Variants in MORC1 observed in about 807,000 individuals in gnomAD.
The protein encoded by MORC1 is MORC family CW-type zinc finger protein 1.
MORC1 carries 59 observed loss-of-function variants against 134.9 expected under a neutral mutation model. The ratio of observed to expected loss-of-function variants is 0.44; its 90% CI spans 0.35 to 0.54. The LOEUF is 0.54. MORC1 is among the 20% of genes least tolerant of loss of function. The probability of loss-of-function intolerance (pLI) is 0.00; values close to 1 mark genes in which losing one functional copy is unlikely to be tolerated. For missense variants in MORC1, 947 were observed against 1,134.5 expected (o/e 0.83, Z 2.37); for synonymous variants, 395 against 391.7 (o/e 1.01, Z -0.10).
chr3:108,991,854 C>A (rs1468913512), intron 21 of MORC1, among the ~76,000 whole-genome samples: 1 of 152,166 alleles, frequency 6.6e-6, no homozygotes, highest in African/African-American at 2.4e-5. Flanking sequence ...CATCTCAGAA[C>A]TGCTTTCATT....
At chr3:109,089,581 T>C (rs1365380210) in intron 8 of MORC1, among the ~76,000 whole-genome samples, 1 of 152,082 alleles carries the variant, frequency 6.6e-6, no homozygotes, top group African/African-American at 2.4e-5. Context: ...AGGGAAAGAA[T>C]TAACTAAGGA....
chr3:109,014,620 T>C (rs1206166373), intron 17 of MORC1, among the ~76,000 whole-genome samples: 1 of 152,208 alleles, frequency 6.6e-6, no homozygotes, highest in Non-Finnish European at 1.5e-5. Context: ...CTTAAATTAT[T>C]TGGGTTTGTA....
chr3:108,965,252 A>G (rs541312088), intron 26 of MORC1, among the ~76,000 whole-genome samples: 1 of 152,382 alleles, frequency 6.6e-6, no homozygotes, highest in South Asian at 2.1e-4. Context: ...ACCAAAACAA[A>G]TCAAAGATAA....
chr3:109,048,683 T>C (rs1001236404), intron 14 of MORC1, among the ~76,000 whole-genome samples: 1 of 152,196 alleles, frequency 6.6e-6, no homozygotes, highest in Non-Finnish European at 1.5e-5. Context: ...TTCTGAGGCT[T>C]CCCTACTTTG....
chr3:108,963,754 C>T, intron 26 of MORC1, 146 bp from the exon 27 acceptor site: 2 of 569,860 alleles, frequency 3.5e-6, no homozygotes, highest in South Asian at 4.9e-5. Context: ...ATATTGATAC[C>T]CTTAAGGAAC....
intron 21 of MORC1, among the ~76,000 whole-genome samples, chr3:108,998,535 T>C (rs1948302828): frequency 6.6e-6 from 1 of 152,114 alleles, no homozygotes; most frequent in African/African-American, 2.4e-5. Context: ...AGTGCCTTCC[T>C]TCTTGAAATT....
At chr3:109,105,848 G>A (rs1287911293) in intron 3 of MORC1, among the ~76,000 whole-genome samples, 2 of 152,072 alleles carry the variant, frequency 1.3e-5, no homozygotes, top group East Asian at 3.9e-4. Context: ...TTCTTTGTCT[G>A]TAAACTTTTA....
Position 109,035,403 on chromosome 3 carries a change from G to A in MORC1, c.1396C>T (p.Pro466Ser), listed in dbSNP as rs780937695. The A allele has an allele frequency of 1.3e-6, 2 of 1,561,398 alleles. No individual in the cohort carries two copies. The highest frequency in any genetic ancestry group is 1.4e-5 in the African/African-American group (1 of 72,732). The change falls in exon 15 of 28, where the codon CCT (proline) becomes TCT (serine). Residue 466 changes from proline to serine, a missense_variant. Transcript: ENST00000232603. Reference protein sequence around the residue: ...GYQNDIDVEKPLNSFQYQRRQ... With the variant: ...GYQNDIDVEKSLNSFQYQRRQ... ...CTTTGATATTGAAAAGAATTTAAAG[G>A]TTTCTCCACATCGATGTCATTCTGG...
At position 108,993,290 on chromosome 3, in the gene MORC1, G is replaced by A. The variant is rs74392965; in HGVS notation, c.2188-6341C>T. Among the ~76,000 whole-genome samples the A allele has an allele frequency of 7.9e-3, 1,199 of 152,226 alleles. 11 individuals are homozygous for A. Among genetic ancestry groups the A allele is most frequent in the African/African-American group, 0.018 (736 of 41,514 alleles). On this transcript the variant is annotated intron_variant, in intron 21 of 27. Transcript: ENST00000232603. ...TAAATTTGTTTTGATTAATTGGCTC[G>A]TGGTTGCTGGTAGTTCAGACTTTAG... is the stretch of plus-strand genomic sequence containing the variant.
At chr3:108,969,138 T>C (rs1947301458) in intron 26 of MORC1, among the ~76,000 whole-genome samples, 1 of 152,086 alleles carries the variant, frequency 6.6e-6, no homozygotes, top group East Asian at 1.9e-4. Flanking sequence ...AAGAGAAAGG[T>C]TGTAAGGAAA....
chr3:109,044,232 T>C (rs1232576378), intron 14 of MORC1, among the ~76,000 whole-genome samples: 1 of 152,082 alleles, frequency 6.6e-6, no homozygotes, highest in Non-Finnish European at 1.5e-5. Context: ...AATATTTAAA[T>C]TAATCTAATG....
chr3:108,961,008 T>C (rs772212312), intron 27 of MORC1, among the ~76,000 whole-genome samples: 1 of 152,202 alleles, frequency 6.6e-6, no homozygotes, highest in Non-Finnish European at 1.5e-5. Context: ...TTTTAACTTT[T>C]AATCCCGTTT....
intron 27 of MORC1, among the ~76,000 whole-genome samples, chr3:108,961,236 A>G (rs568692351): frequency 5.9e-5 from 9 of 152,254 alleles, no homozygotes; most frequent in African/African-American, 2.2e-4. Context: ...ATATGCTTCA[A>G]CTTTACTCCC....
At position 109,075,699 on chromosome 3, in the gene MORC1, T is replaced by C. The variant is rs184654385; in HGVS notation, c.690-5942A>G. Among the ~76,000 whole-genome samples the C allele has an allele frequency of 3.3e-3, 507 of 152,324 alleles. 4 individuals are homozygous for C. The highest frequency in any genetic ancestry group is 0.012 in the African/African-American group (495 of 41,574). On this transcript the variant is annotated intron_variant, in intron 8 of 27. Coordinates refer to ENST00000232603, the MANE Select transcript of MORC1 (RefSeq NM_014429.4). ...CAGTACCATGCTGTTTTGGTTACTG[T>C]AGCCTTGTAGTATAGTTTGAAGTCA...
chr3:109,043,967 G>C (rs546880198), intron 14 of MORC1, among the ~76,000 whole-genome samples: 1 of 152,102 alleles, frequency 6.6e-6, no homozygotes, highest in Admixed American at 6.5e-5. Context: ...AAGATAGGTC[G>C]ATTAAAAAAT....
At chr3:109,023,221 C>T (rs1949001301) in intron 17 of MORC1, among the ~76,000 whole-genome samples, 1 of 152,142 alleles carries the variant, frequency 6.6e-6, no homozygotes, top group South Asian at 2.1e-4. Context: ...TGCAGAGCCA[C>T]ATGGAAGTGA....
At chr3:109,041,742 G>A (rs180932483) in intron 14 of MORC1, among the ~76,000 whole-genome samples, 195 of 152,280 alleles carry the variant, frequency 1.3e-3, no homozygotes, top group Non-Finnish European at 2.3e-3. Flanking sequence ...AGCGACTCAG[G>A]AGGCTGAGGC....
chr3:109,040,161 A>G (rs1949475706), intron 14 of MORC1, among the ~76,000 whole-genome samples: 1 of 151,812 alleles, frequency 6.6e-6, no homozygotes, highest in Admixed American at 6.6e-5. Flanking sequence ...ATTTCCGGAA[A>G]TACAACACTG....
At chr3:108,974,719 G>A (rs751625375) in intron 24 of MORC1, among the ~76,000 whole-genome samples, 25 of 152,136 alleles carry the variant, frequency 1.6e-4, no homozygotes, top group Non-Finnish European at 2.6e-4. Context: ...AGAATTTTAC[G>A]CCCAGAGTTG....
Sources: allele counts gnomAD v4.1 joint callset (sites outside exome capture counted in the v4.1 genomes callset), GRCh38; gene constraint gnomAD v4.1.1; transcripts MANE v1.5; gene names NCBI Gene and HGNC (gene_info 2026-07-23, HGNC 2026-07-21).